Variants in SAFB observed in about 807,000 individuals in gnomAD.
SAFB encodes scaffold attachment factor B.
A neutral mutation model predicts 101.6 loss-of-function variants in SAFB; 15 were observed. That is an observed-to-expected ratio of 0.15 (90% CI 0.10 to 0.23). The LOEUF is 0.23. Ranked by LOEUF, SAFB falls within the 10% of genes least tolerant of loss-of-function variation. The probability of loss-of-function intolerance (pLI) is 1.00; values close to 1 mark genes in which losing one functional copy is unlikely to be tolerated. For missense variants in SAFB, 930 were observed against 1,104.1 expected (o/e 0.84, Z 2.23); for synonymous variants, 449 against 407.5 (o/e 1.10, Z -1.23).
At chr19:5,635,866 A>G (rs2053584637) in intron 2 of SAFB, among the ~76,000 whole-genome samples, 1 of 152,102 alleles carries the variant, frequency 6.6e-6, no homozygotes, top group Non-Finnish European at 1.5e-5. Context: ...CCTTGATACT[A>G]AAGACAAATC....
chr19:5,653,705 C>T (rs1379077809), intron 11 of SAFB, among the ~76,000 whole-genome samples: 5 of 150,000 alleles, frequency 3.3e-5, no homozygotes, highest in African/African-American at 7.4e-5. Flanking sequence ...CCTTGTGATC[C>T]GCCTGCCTCG....
At chr19:5,658,649 C>G (rs1027272796) in intron 14 of SAFB, among the ~76,000 whole-genome samples, 1 of 151,440 alleles carries the variant, frequency 6.6e-6, no homozygotes, top group African/African-American at 2.4e-5. Context: ...CGAGACCATC[C>G]TGGCTAACAC....
In SAFB at chr19:5,667,904, C is replaced by T. The variant is rs371250003; in HGVS notation, c.2624+18C>T. Reference sequence around the variant, plus strand: ...ATGTCAGGGTAAGGCATGCTGGGGGCGGCGCCCCTTCCCCCTGCTTTGCAT... The same window carrying T: ...ATGTCAGGGTAAGGCATGCTGGGGGTGGCGCCCCTTCCCCCTGCTTTGCAT... On this transcript the variant is annotated intron_variant, in intron 20 of 20. Coordinates refer to ENST00000588852, the MANE Select transcript of SAFB (RefSeq NM_001201338.2). This position sits in a 1 kb window ranked among gnomAD's most constrained non-coding sequence, Gnocchi z 4.0. The T allele has an allele frequency of 1.3e-5, 20 of 1,585,914 alleles. No individual in the cohort carries two copies. Among genetic ancestry groups the T allele is most frequent in the Admixed American group, 1.2e-4 (7 of 56,068 alleles).
intron 15 of SAFB, 73 bp downstream of exon 15, chr19:5,661,881 T>G (rs2145487456): frequency 9.0e-7 from 1 of 1,116,992 alleles, no homozygotes; most frequent in East Asian, 2.6e-5. Flanking sequence ...CCAGTTAGCT[T>G]GAGATTTTTT....
In SAFB at chr19:5,649,820, G is replaced by C. The variant is rs1358952939; in HGVS notation, c.1149-106G>C. 7 of 1,024,830 alleles carry C rather than the reference G, an allele frequency of 6.8e-6. No homozygotes were observed. The East Asian group carries it at 1.5e-4, about 22-fold the overall frequency. 63.5% of individuals were successfully genotyped at this position (1,024,830 alleles called of 1,614,324 possible). A position where few individuals can be genotyped will look rare whatever the true frequency, so the allele number is the denominator to read the frequency against. Reference sequence around the variant, plus strand: ...AGTTTGTCGGGGTATCATTTTTTCAGAACTAAATTTCGGGTAGGTATGCAA... The same window carrying C: ...AGTTTGTCGGGGTATCATTTTTTCACAACTAAATTTCGGGTAGGTATGCAA... On this transcript the variant is annotated intron_variant, in intron 7 of 20. Transcript: ENST00000588852.
At chr19:5,665,227 G>A (rs1007703027) in intron 17 of SAFB, 6 of 152,140 alleles carry the variant, frequency 3.9e-5, no homozygotes, top group African/African-American at 1.4e-4. Flanking sequence ...CAGCCTCGTG[G>A]GGTTCCTTTT....
chr19:5,632,447 GA>G (rs879868341), intron 2 of SAFB, among the ~76,000 whole-genome samples: 2 of 152,140 alleles, frequency 1.3e-5, no homozygotes, highest in Non-Finnish European at 2.9e-5. Context: ...CCTAACTGTA[GA>G]TGTCCAGATC....
intron 1 of SAFB, among the ~76,000 whole-genome samples, chr19:5,625,009 G>T (rs995787089): frequency 1.6e-4 from 25 of 152,162 alleles, no homozygotes; most frequent in African/African-American, 5.8e-4. Flanking sequence ...TTCCTGTCAA[G>T]CTGGTGACTG....
Position 5,654,424 on chromosome 19 carries a change from A to G in SAFB, c.1723A>G (p.Ile575Val), listed in dbSNP as rs2054008748. The change falls in exon 13 of 21, where the codon ATT (isoleucine) becomes GTT (valine). Residue 575 changes from isoleucine to valine, a missense_variant. Ile to Val is a conservative substitution (Grantham distance 29). This residue lies in a region of SAFB where 159 missense variants were observed against 234.1 expected (regional missense o/e 0.68). Transcript: ENST00000588852. ...GGATAAATCCAAAGGGGTGCCTGTGATTAGTGTAAAAACGTCCGGGTCCAA... is the reference window on the plus strand; with the variant it reads ...GGATAAATCCAAAGGGGTGCCTGTGGTTAGTGTAAAAACGTCCGGGTCCAA... ...VMDKSKGVPV[I>V]SVKTSGSKER... The G allele has an allele frequency of 2.5e-6, 4 of 1,609,444 alleles. No homozygotes were observed. Among genetic ancestry groups the G allele is most frequent in the Admixed American group, 1.7e-5 (1 of 59,948 alleles).
rs761480856 is a variant in SAFB at position 5,645,332 on chromosome 19, T to C, written c.547-5T>C. Reference sequence around the variant, plus strand: ...TGAACTGTATTTTCTCCATTTATTTTACAGATAGAGGACAAAGAAACTATA... The same window carrying C: ...TGAACTGTATTTTCTCCATTTATTTCACAGATAGAGGACAAAGAAACTATA... On this transcript the variant is annotated splice_region_variant and splice_polypyrimidine_tract_variant and intron_variant, in intron 4 of 20. Transcript: ENST00000588852. 1 of 1,168,490 alleles carries C rather than the reference T, an allele frequency of 8.6e-7. No individual in the cohort carries two copies. The highest frequency in any genetic ancestry group is 1.2e-5 in the South Asian group (1 of 81,460). The allele number at this position is 1,168,490 out of a possible 1,614,324, so 72.4% of individuals were successfully genotyped here.
At chr19:5,648,071 G>A (rs147050104) in intron 6 of SAFB, 28 bp downstream of exon 6, 31 of 1,594,212 alleles carry the variant, frequency 1.9e-5, no homozygotes, top group Non-Finnish European at 2.3e-5. Context: ...ACTTACCAGC[G>A]GGGGTTTGGA....
chr19:5,628,637 T>C (rs1360319722), intron 2 of SAFB, among the ~76,000 whole-genome samples: 1 of 152,140 alleles, frequency 6.6e-6, no homozygotes, highest in African/African-American at 2.4e-5. Flanking sequence ...AATGAGATAA[T>C]AACTAATACT....
At chr19:5,642,632 G>C (rs939467587) in intron 4 of SAFB, among the ~76,000 whole-genome samples, 6 of 145,678 alleles carry the variant, frequency 4.1e-5, no homozygotes, top group Non-Finnish European at 7.5e-5. Flanking sequence ...ACCAGGCATT[G>C]GCATTATGCC....
At chr19:5,624,627 A>G (rs2053307619) in intron 1 of SAFB, among the ~76,000 whole-genome samples, 1 of 149,286 alleles carries the variant, frequency 6.7e-6, no homozygotes, top group Admixed American at 6.7e-5. Context: ...CACCATCCTG[A>G]CTCCGGAACT....
At chr19:5,654,587 C>CA in intron 13 of SAFB, 131 bp downstream of exon 13, 4 of 696,942 alleles carry the variant, frequency 5.7e-6, no homozygotes, top group Non-Finnish European at 1.0e-5. Flanking sequence ...GTAGAAATCT[C>CA]AAACTATTTT....
At position 5,626,453 on chromosome 19, in the gene SAFB, G is replaced by C; in HGVS notation, c.238G>C (p.Glu80Gln). Reference protein sequence around the residue: ...GNPDEIEITSEGNKKTSKRSS... With the variant: ...GNPDEIEITSQGNKKTSKRSS... The stretch of plus-strand genomic sequence containing the variant: ...TCCTGACGAAATTGAAATTACCTCC[G>C]AGGGAAACAAGAAAACATCAAAGAG... The change falls in exon 2 of 21, where the codon GAG becomes CAG. Residue 80 changes from glutamate to glutamine, a missense_variant. Physicochemically the swap from Glu to Gln is conservative, Grantham distance 29. This residue lies in a region of SAFB where 119 missense variants were observed against 171.4 expected (regional missense o/e 0.69). Coordinates refer to ENST00000588852, the MANE Select transcript of SAFB (RefSeq NM_001201338.2). The C allele has an allele frequency of 6.2e-7, 1 of 1,610,290 alleles. No individual in the cohort carries two copies. The highest frequency in any genetic ancestry group is 8.5e-7 in the Non-Finnish European group (1 of 1,176,580).
At chr19:5,658,247 C>T (rs925839662) in intron 14 of SAFB, among the ~76,000 whole-genome samples, 1 of 152,172 alleles carries the variant, frequency 6.6e-6, no homozygotes, top group Non-Finnish European at 1.5e-5. Context: ...ATCTGCCTGC[C>T]TCGGCCTCCC....
chr19:5,650,612 C>T lies in SAFB; in HGVS notation c.1199-366C>T, dbSNP rs545953299. On this transcript the variant is annotated intron_variant, in intron 8 of 20. Coordinates refer to ENST00000588852, the MANE Select transcript of SAFB (RefSeq NM_001201338.2). ...ATTTTTAGTAGACATGGGGTTTCAC[C>T]ATGTTGGCCAGGCTGGTCTCGAACT... 2.0e-4 allele frequency among the ~76,000 whole-genome samples: 31 copies of T among 152,264 alleles called. No homozygotes were observed. In the East Asian group the frequency reaches 5.8e-3, roughly 28 times the overall value.
chr19:5,627,742 T>C (rs2145394559), intron 2 of SAFB, among the ~76,000 whole-genome samples: 1 of 152,258 alleles, frequency 6.6e-6, no homozygotes, highest in Non-Finnish European at 1.5e-5. Flanking sequence ...AGAGACCTAG[T>C]TCCTCAAAAG....
Sources: gnomAD v4.1 joint callset for allele counts (sites outside exome capture counted in the v4.1 genomes callset) on GRCh38, gnomAD v4.1.1 for gene constraint, gnomAD v4.1.1 regional missense constraint, Gnocchi (gnomAD v3.1) non-coding constraint, MANE v1.5 for transcripts, NCBI Gene and HGNC (gene_info 2026-07-23, HGNC 2026-07-21) for gene names.